The following PCDH15 variants were observed in gnomAD, a reference collection of about 807,000 sequenced individuals.
PCDH15 encodes protocadherin related 15.
Under a neutral mutation model 178.5 loss-of-function variants are expected in PCDH15, and 129 were observed. The observed-to-expected ratio is 0.72, with a 90% confidence interval of 0.63 to 0.84. PCDH15 has a LOEUF of 0.84. PCDH15 is among the 40% of genes least tolerant of loss of function. The pLI is 0.00. For synonymous variants in PCDH15, 800 were observed against 732.0 expected (o/e 1.09, Z -1.50); for missense variants, 2,230 against 2,099.9 (o/e 1.06, Z -1.21).
intron 2 of PCDH15, among the ~76,000 whole-genome samples, chr10:55,037,426 G>T (rs544129759): frequency 6.6e-6 from 1 of 152,146 alleles, no homozygotes; most frequent in Admixed American, 6.5e-5. Context: ...GAGAGACAGG[G>T]TTTCACCATG....
intron 1 of PCDH15, among the ~76,000 whole-genome samples, chr10:54,731,686 A>G (rs1428118370): frequency 1.3e-5 from 2 of 150,440 alleles, no homozygotes; most frequent in Non-Finnish European, 3.0e-5. Flanking sequence ...ATTATAAGTG[A>G]AATTAGCCAG....
chr10:54,960,127 G>C (rs990957146), intron 2 of PCDH15, among the ~76,000 whole-genome samples: 1 of 152,078 alleles, frequency 6.6e-6, no homozygotes, highest in Non-Finnish European at 1.5e-5. Context: ...TAGAATGCTT[G>C]AATATGAATG....
At chr10:54,101,666 C>T (rs1362442750) in intron 15 of PCDH15, among the ~76,000 whole-genome samples, 1 of 152,106 alleles carries the variant, frequency 6.6e-6, no homozygotes, top group Non-Finnish European at 1.5e-5. Flanking sequence ...AAAAAAGAAA[C>T]CTTAAAAATT....
chr10:54,996,096 T>A lies in PCDH15; in HGVS notation c.-79-98596A>T, dbSNP rs566102126. ...TAGCATTTCAGTAACAGATTTTGGT[T>A]TCCTGGCCAGGAACACATTGCTCAT... On this transcript the variant is annotated intron_variant, in intron 2 of 5. Coordinates refer to the PCDH15 transcript ENST00000458638. Among the ~76,000 whole-genome samples, 4 of 152,242 alleles carry A rather than the reference T, an allele frequency of 2.6e-5. No individual in the cohort carries two copies. The South Asian group carries it at 8.3e-4, about 32-fold the overall frequency.
Position 53,822,306 on chromosome 10 carries a change from G to A in PCDH15, c.4368-2076C>T. 6.2e-7 allele frequency: 1 copy of A among 1,610,830 alleles called. No individual in the cohort carries two copies. The highest frequency in any genetic ancestry group is 8.5e-7 in the Non-Finnish European group (1 of 1,178,192). ...TGGAAATGGAGGTAGAAGAGGTGGT[G>A]TTGGGGGACCAGACGTTGAAACGGA... On this transcript the variant is annotated intron_variant, in intron 32 of 37. Transcript: ENST00000644397.
Position 55,022,276 on chromosome 10 carries a change from A to G in PCDH15, c.-79-124776T>C, listed in dbSNP as rs370312015. 1.2e-4 allele frequency among the ~76,000 whole-genome samples: 18 copies of G among 152,016 alleles called. 1 individual carries two copies. Among genetic ancestry groups the G allele is most frequent in the East Asian group, 1.2e-3 (6 of 5,160 alleles). On this transcript the variant is annotated intron_variant, in intron 2 of 5. Transcript: ENST00000458638. The stretch of plus-strand genomic sequence containing the variant: ...AAGACCAGCCTGGCCAACATGGTAA[A>G]CCCTGTATCTACTAAAAACACAAAA...
At chr10:55,008,379 A>G (rs1173289348) in intron 2 of PCDH15, among the ~76,000 whole-genome samples, 2 of 152,170 alleles carry the variant, frequency 1.3e-5, no homozygotes, top group Non-Finnish European at 2.9e-5. Context: ...CAGCTAGATC[A>G]TTTCCTATGG....
chr10:55,172,111 T>C (rs1310481799), intron 1 of PCDH15, among the ~76,000 whole-genome samples: 5 of 152,024 alleles, frequency 3.3e-5, no homozygotes, highest in African/African-American at 1.2e-4. Flanking sequence ...ATTAAAGTAT[T>C]GTGCTTGCTT....
chr10:54,663,530 A>G (rs967159265), intron 2 of PCDH15, among the ~76,000 whole-genome samples: 2 of 150,666 alleles, frequency 1.3e-5, no homozygotes, highest in Non-Finnish European at 3.0e-5. Flanking sequence ...GACAGGCACA[A>G]TTGGGCCATT....
chr10:54,173,742 T>A (rs1392796705), intron 13 of PCDH15, among the ~76,000 whole-genome samples: 5 of 152,070 alleles, frequency 3.3e-5, no homozygotes, highest in Admixed American at 3.3e-4. Flanking sequence ...TGCAAAAAAA[T>A]TGACAATAAT....
At chr10:54,383,614 CGTGTATGTGTGTTTTTGTGTGTGT>C (rs959085682) in intron 3 of PCDH15, among the ~76,000 whole-genome samples, 1 of 73,020 alleles carries the variant, frequency 1.4e-5, no homozygotes, top group African/African-American at 4.6e-5. Flanking sequence ...CATACCATGC[CGTGTATGTGTGTTTTTGTGTGTGT>C]GTGTGTGTGT....
At chr10:55,015,612 G>A (rs1018286985) in intron 2 of PCDH15, among the ~76,000 whole-genome samples, 1 of 152,098 alleles carries the variant, frequency 6.6e-6, no homozygotes, top group Admixed American at 6.6e-5. Context: ...GGTCCTGGCG[G>A]AAAACAGAAA....
intron 2 of PCDH15, among the ~76,000 whole-genome samples, chr10:54,956,428 A>G (rs1838488863): frequency 6.6e-6 from 1 of 151,650 alleles, no homozygotes; most frequent in East Asian, 1.9e-4. Flanking sequence ...TCAAATGTGC[A>G]AACTCAAAAC....
intron 2 of PCDH15, among the ~76,000 whole-genome samples, chr10:55,484,973 G>A (rs1840266316): frequency 6.6e-6 from 1 of 151,692 alleles, no homozygotes; most frequent in South Asian, 2.1e-4. Flanking sequence ...ATATTGTTCT[G>A]GGGAAGGATT....
intron 1 of PCDH15, among the ~76,000 whole-genome samples, chr10:55,302,610 C>A (rs1843314174): frequency 6.6e-6 from 1 of 152,086 alleles, no homozygotes; most frequent in African/African-American, 2.4e-5. Context: ...TAAAGCCTAT[C>A]TAAATTAAGG....
chr10:55,530,996 A>G (rs1202538783), intron 2 of PCDH15, among the ~76,000 whole-genome samples: 1 of 124,838 alleles, frequency 8.0e-6, no homozygotes, highest in East Asian at 2.8e-4. Flanking sequence ...CAAAGTCTAC[A>G]AATTAGGGTT....
chr10:53,878,289 G>T (rs2080403960), intron 26 of PCDH15, among the ~76,000 whole-genome samples: 1 of 114,968 alleles, frequency 8.7e-6, no homozygotes, highest in South Asian at 2.6e-4. Context: ...CACACACTTT[G>T]AATATATATA....
intron 6 of PCDH15, among the ~76,000 whole-genome samples, chr10:54,334,862 T>G (rs1482291649): frequency 2.0e-5 from 3 of 152,226 alleles, no homozygotes; most frequent in African/African-American, 7.2e-5. Flanking sequence ...CACTTTTTTT[T>G]GAAGTATCTT....
intron 3 of PCDH15, among the ~76,000 whole-genome samples, chr10:54,512,112 C>G (rs1018655464): frequency 6.6e-6 from 1 of 151,682 alleles, no homozygotes; most frequent in African/African-American, 2.4e-5. Context: ...TTCAAAACAC[C>G]CCTTCTAGGG....
Sources: allele counts gnomAD v4.1 joint callset (sites outside exome capture counted in the v4.1 genomes callset), GRCh38; gene constraint gnomAD v4.1.1; transcripts MANE v1.5; gene names NCBI Gene and HGNC (gene_info 2026-07-23, HGNC 2026-07-21).